The following CEP295 variants were observed in gnomAD, a reference collection of about 807,000 sequenced individuals.
The protein encoded by CEP295 is centrosomal protein of 295 kDa.
CEP295 carries 190 observed loss-of-function variants against 291.6 expected under a neutral mutation model. The observed-to-expected ratio is 0.65, with a 90% confidence interval of 0.58 to 0.73. The LOEUF (loss-of-function observed/expected upper bound fraction) is 0.73, where lower values mean the gene tolerates loss of function less well. Among genes scored for constraint, CEP295 ranks in the 30% least tolerant of loss-of-function variants. The probability of loss-of-function intolerance (pLI) is 0.00; values close to 1 mark genes in which losing one functional copy is unlikely to be tolerated. For synonymous variants in CEP295, 993 were observed against 1,038.8 expected, an observed-to-expected ratio of 0.96 and a Z score of 0.85; for missense variants, 2,863 against 2,949.4, an observed-to-expected ratio of 0.97 and a Z score of 0.68.
At chr11:93,667,086 A>G (rs1950233942) in intron 2 of CEP295, among the ~76,000 whole-genome samples, 4 of 152,258 alleles carry the variant, frequency 2.6e-5, no homozygotes, top group Non-Finnish European at 5.9e-5. Flanking sequence ...AATTGGTAAC[A>G]GGAAGCTTAG....
rs1565185116 is a variant in CEP295, at chr11:93,698,981, CAGTT to C, written c.4072_4075del (p.Ala1359HisfsTer8). On this transcript the variant is annotated frameshift_variant, in exon 15 of 30. Coordinates refer to ENST00000325212, the MANE Select transcript of CEP295 (RefSeq NM_033395.2). LOFTEE classifies it high-confidence loss of function. The stretch of plus-strand genomic sequence containing the variant: ...AGATAATTTGAAGGCACTTCAAGAA[CAGTT>C]AGCTACACAGAGAGAAGCCATCATT... 1.3e-6 allele frequency: 2 copies of C among 1,550,242 alleles called. No individual in the cohort carries two copies. Among genetic ancestry groups the C allele is most frequent in the Non-Finnish European group, 1.7e-6 (2 of 1,147,012 alleles).
intron 17 of CEP295, among the ~76,000 whole-genome samples, chr11:93,703,391 A>T (rs1456522932): frequency 6.6e-6 from 1 of 152,050 alleles, no homozygotes; most frequent in African/African-American, 2.4e-5. Context: ...ACAGTATTTA[A>T]AATTTGGACT....
intron 18 of CEP295, among the ~76,000 whole-genome samples, chr11:93,720,120 G>A (rs1953587992): frequency 6.7e-6 from 1 of 148,398 alleles, no homozygotes; most frequent in Admixed American, 6.7e-5. Flanking sequence ...CTACTCAGGA[G>A]GCTAAGGCAG....
At chr11:93,718,140 G>A (rs1565210518) in intron 18 of CEP295, among the ~76,000 whole-genome samples, 1 of 152,158 alleles carries the variant, frequency 6.6e-6, no homozygotes, top group Non-Finnish European at 1.5e-5. Flanking sequence ...TGAACCCCTA[G>A]GCTTGAGCAG....
intron 6 of CEP295, 121 bp from the exon 7 acceptor site, chr11:93,679,291 A>G: frequency 3.6e-6 from 3 of 835,808 alleles, no homozygotes; most frequent in Non-Finnish European, 5.5e-6. Context: ...GACATTTTAA[A>G]ATATAACTCT....
Position 93,696,676 on chromosome 11 carries a change from T to C in CEP295, c.1770-6T>C, listed in dbSNP as rs1038081707. The C allele has an allele frequency of 1.3e-6, 2 of 1,518,012 alleles. No homozygotes were observed. Among genetic ancestry groups the C allele is most frequent in the African/African-American group, 1.4e-5 (1 of 71,092 alleles). 94.0% of individuals were successfully genotyped at this position (1,518,012 alleles called of 1,614,324 possible). On this transcript the variant is annotated splice_polypyrimidine_tract_variant and splice_region_variant and intron_variant, in intron 14 of 29. Transcript: ENST00000325212. ...AACAATAATTGTTTGCTTTTGTTTT[T>C]GGTAGGTTACACAGGCAGTCTGTTG...
chr11:93,679,559 C>G lies in CEP295; in HGVS notation c.765+7C>G. On this transcript the variant is annotated splice_region_variant and intron_variant, in intron 7 of 29. Coordinates refer to ENST00000325212, the MANE Select transcript of CEP295 (RefSeq NM_033395.2). ...GAAGATCCATTTGGCTCAAGTAAGACTTATATTCTACCCATGACCATTACT... is the reference window on the plus strand; with the variant it reads ...GAAGATCCATTTGGCTCAAGTAAGAGTTATATTCTACCCATGACCATTACT... The G allele has an allele frequency of 6.5e-7, 1 of 1,550,124 alleles. No homozygotes were observed. Among genetic ancestry groups the G allele is most frequent in the East Asian group, 2.4e-5 (1 of 40,870 alleles).
intron 18 of CEP295, chr11:93,719,741 A>G (rs1953557012): frequency 6.6e-6 from 1 of 152,178 alleles, no homozygotes; most frequent in Non-Finnish European, 1.5e-5. Context: ...ATAATTAATA[A>G]TTGTTACATA....
chr11:93,698,906 C>T lies in CEP295; in HGVS notation c.3994C>T (p.Gln1332Ter), dbSNP rs1253375165. Reference protein sequence around the residue: ...KIFSSHLQIPQLQDRLLRISQ... With the variant: ...KIFSSHLQIP ...TTTTTCAAGCCACCTTCAGATCCCA[C>T]AATTGCAGGATAGGCTTTTGAGGAT... Residue 1332 changes from glutamine to a stop codon, truncating the protein, a stop_gained, in exon 15 of 30, where the codon CAA becomes TAA. Transcript: ENST00000325212. LOFTEE classifies it high-confidence loss of function. The T allele has an allele frequency of 1.3e-6, 2 of 1,551,544 alleles. No individual in the cohort carries two copies. The highest frequency in any genetic ancestry group is 2.0e-5 in the Admixed American group (1 of 50,970).
intron 1 of CEP295, 130 bp from the exon 2 acceptor site, chr11:93,666,552 C>T (rs956194706): frequency 1.0e-5 from 5 of 498,320 alleles, no homozygotes; most frequent in Non-Finnish European, 1.8e-5. Flanking sequence ...TGAGATCGCA[C>T]CACTGCCCTC....
At position 93,700,120 on chromosome 11, in the gene CEP295, A is replaced by G. The variant is rs1357382412; in HGVS notation, c.5208A>G (p.Gln1736=). ...AGGAAAAATTGCTTGTACAGAGACAAACAGCATTGCAGCAGCAGATACAGA... is the reference window on the plus strand; with the variant it reads ...AGGAAAAATTGCTTGTACAGAGACAGACAGCATTGCAGCAGCAGATACAGA... ...KAQEKLLVQR[Q]TALQQQIQKH... Residue 1736 remains glutamine (Q), a synonymous_variant, in exon 15 of 30, where the codon CAA becomes CAG. Coordinates refer to ENST00000325212, the MANE Select transcript of CEP295 (RefSeq NM_033395.2). The G allele has an allele frequency of 6.4e-7, 1 of 1,551,592 alleles. No homozygotes were observed. The highest frequency in any genetic ancestry group is 8.7e-7 in the Non-Finnish European group (1 of 1,146,958).
chr11:93,693,436 C>T (rs1326264684), intron 12 of CEP295, among the ~76,000 whole-genome samples: 2 of 152,220 alleles, frequency 1.3e-5, no homozygotes, highest in African/African-American at 4.8e-5. Context: ...GGAATAATTC[C>T]GTGAGCCAGT....
intron 23 of CEP295, 58 bp downstream of exon 23, chr11:93,725,889 C>G: frequency 1.4e-6 from 2 of 1,434,146 alleles, no homozygotes; most frequent in Admixed American, 4.0e-5. Flanking sequence ...CATCCATTTC[C>G]TTAGAAATTA....
chr11:93,696,418 G>A lies in CEP295; in HGVS notation c.1769+1G>A. On this transcript the variant is annotated splice_donor_variant, in intron 14 of 29. Coordinates refer to ENST00000325212, the MANE Select transcript of CEP295 (RefSeq NM_033395.2). LOFTEE classifies it high-confidence loss of function. ...AACATCAGCTTTTACAACAAAACAGGTATTAGCTAGGGTATAATTTATATG... is the reference window on the plus strand; with the variant it reads ...AACATCAGCTTTTACAACAAAACAGATATTAGCTAGGGTATAATTTATATG... The A allele has an allele frequency of 1.3e-6, 2 of 1,502,112 alleles. No individual in the cohort carries two copies. The highest frequency in any genetic ancestry group is 1.8e-6 in the Non-Finnish European group (2 of 1,102,680). The allele number at this position is 1,502,112 out of a possible 1,614,324, so 93.0% of individuals were successfully genotyped here. A position where few individuals can be genotyped will look rare whatever the true frequency, so the allele number is the denominator to read the frequency against.
chr11:93,728,955 C>T, intron 25 of CEP295, 134 bp downstream of exon 25: 1 of 706,970 alleles, frequency 1.4e-6, no homozygotes, highest in Non-Finnish European at 2.2e-6. Flanking sequence ...CCCACCAGCT[C>T]TCAATTTGTC....
At chr11:93,662,352 T>A (rs1417252188) in intron 1 of CEP295, among the ~76,000 whole-genome samples, 1 of 152,206 alleles carries the variant, frequency 6.6e-6, no homozygotes, top group Non-Finnish European at 1.5e-5. Flanking sequence ...ATTCCCTTTA[T>A]ACAGTTTAAG....
intron 18 of CEP295, among the ~76,000 whole-genome samples, chr11:93,711,279 T>C (rs1952878213): frequency 6.6e-6 from 1 of 152,174 alleles, no homozygotes; most frequent in African/African-American, 2.4e-5. Flanking sequence ...TTTGCTGTAT[T>C]TCATAAGTTT....
intron 18 of CEP295, among the ~76,000 whole-genome samples, chr11:93,719,349 A>G (rs530340666): frequency 5.9e-5 from 9 of 151,384 alleles, no homozygotes; most frequent in African/African-American, 1.9e-4. Flanking sequence ...CTCATTCACA[A>G]TCCAAAATCC....
At position 93,706,759 on chromosome 11, in the gene CEP295, T is replaced by G; in HGVS notation, c.5611T>G (p.Tyr1871Asp). 6.5e-7 allele frequency: 1 copy of G among 1,537,722 alleles called. No individual in the cohort carries two copies. The highest frequency in any genetic ancestry group is 1.2e-5 in the South Asian group (1 of 81,236). The stretch of plus-strand genomic sequence containing the variant: ...TTCCCCCCCAGGTAAACCAGGTATT[T>G]ATGAAGACAGAGACCCCCTGCGAGT... ...RTSILGKPGIYEDRDPLRVSI... is the reference protein window; with the variant it reads ...RTSILGKPGIDEDRDPLRVSI... The change falls in exon 18 of 30, where the codon TAT (tyrosine) becomes GAT (aspartate). Residue 1871 changes from tyrosine (Y) to aspartate (D), a missense_variant. Tyr to Asp is a radical substitution (Grantham distance 160). Transcript: ENST00000325212.
Sources: allele counts gnomAD v4.1 joint callset (sites outside exome capture counted in the v4.1 genomes callset), GRCh38; gene constraint gnomAD v4.1.1; transcripts MANE v1.5; gene names NCBI Gene and HGNC (gene_info 2026-07-23, HGNC 2026-07-21).